HSD17B12: variants seen among roughly 807,000 people sequenced by gnomAD.
The protein encoded by HSD17B12 is hydroxysteroid 17-beta dehydrogenase 12, also known as very-long-chain 3-oxoacyl-CoA reductase.
A neutral mutation model predicts 39.3 loss-of-function variants in HSD17B12; 32 were observed. The ratio of observed to expected loss-of-function variants is 0.81; its 90% confidence interval spans 0.61 to 1.09. The LOEUF (loss-of-function observed/expected upper bound fraction) is 1.09. Ranked by LOEUF, HSD17B12 falls within the 50% of genes least tolerant of loss-of-function variation. HSD17B12 has a pLI of 0.00. For synonymous variants in HSD17B12, 150 were observed against 146.7 expected (o/e 1.02, Z -0.16); for missense variants, 342 against 382.9 (o/e 0.89, Z 0.89).
the HSD17B12 span, among the ~76,000 whole-genome samples, chr11:43,675,532 C>G: frequency 6.6e-6 from 1 of 151,674 alleles, no homozygotes. Context: ...ACAAACTCAA[C>G]TTGGAGGATT....
chr11:43,838,578 A>G (rs1951393775), intron 8 of HSD17B12, among the ~76,000 whole-genome samples, 180 bp downstream of exon 8: 1 of 152,148 alleles, frequency 6.6e-6, no homozygotes, highest in Non-Finnish European at 1.5e-5. Flanking sequence ...GACATACTAT[A>G]TACTTACAAT....
chr11:43,583,802 T>A, the HSD17B12 span, among the ~76,000 whole-genome samples: 1 of 151,994 alleles, frequency 6.6e-6, no homozygotes, highest in African/African-American at 2.4e-5. Context: ...GATGCCAACC[T>A]CTGGAGGCCC....
At chr11:43,738,802 CG>C (rs1186329650) in intron 1 of HSD17B12, among the ~76,000 whole-genome samples, 2 of 152,068 alleles carry the variant, frequency 1.3e-5, no homozygotes, top group East Asian at 3.9e-4. Context: ...GTCCAAAGGA[CG>C]ACCAGCATGG....
chr11:43,582,335 G>T, the HSD17B12 span, among the ~76,000 whole-genome samples: 1 of 152,146 alleles, frequency 6.6e-6, no homozygotes, highest in South Asian at 2.1e-4. Context: ...GGGGAGGGGG[G>T]CAAAGCTGCA....
the HSD17B12 span, among the ~76,000 whole-genome samples, chr11:43,649,240 A>G: frequency 9.9e-5 from 15 of 152,078 alleles, no homozygotes; most frequent in African/African-American, 3.4e-4. Flanking sequence ...CATTTGCTAT[A>G]ATTACTTTCT....
intron 3 of HSD17B12, among the ~76,000 whole-genome samples, chr11:43,758,020 T>G (rs1950526902): frequency 6.6e-6 from 1 of 152,126 alleles, no homozygotes; most frequent in Non-Finnish European, 1.5e-5. Flanking sequence ...TCTTAAGCCT[T>G]GTTATGCAAG....
the HSD17B12 span, among the ~76,000 whole-genome samples, chr11:43,601,623 G>C: frequency 3.3e-5 from 5 of 151,934 alleles, no homozygotes; most frequent in African/African-American, 1.2e-4. Context: ...AGTTCACACT[G>C]TCTGGTTTGG....
chr11:43,609,231 C>T, the HSD17B12 span, among the ~76,000 whole-genome samples: 1 of 151,714 alleles, frequency 6.6e-6, no homozygotes, highest in Non-Finnish European at 1.5e-5. Context: ...TGAGCCACCA[C>T]ACCCAACATG....
At chr11:43,671,970 G>C in the HSD17B12 span, among the ~76,000 whole-genome samples, 1 of 152,190 alleles carries the variant, frequency 6.6e-6, no homozygotes, top group Non-Finnish European at 1.5e-5. Context: ...TGGGAAATAT[G>C]TTTACAGAAG....
intron 5 of HSD17B12, among the ~76,000 whole-genome samples, 194 bp from the exon 6 acceptor site, chr11:43,816,153 A>G (rs1270867467): frequency 6.6e-6 from 1 of 152,170 alleles, no homozygotes; most frequent in Admixed American, 6.6e-5. Context: ...AGCATCAATT[A>G]TCACCTTAGT....
At chr11:43,725,982 A>G (rs1160707209) in intron 1 of HSD17B12, among the ~76,000 whole-genome samples, 1 of 152,220 alleles carries the variant, frequency 6.6e-6, no homozygotes, top group Non-Finnish European at 1.5e-5. Flanking sequence ...CAGATTTCTA[A>G]AGTAAAAGAT....
At chr11:43,744,439 C>T (rs186955924) in intron 1 of HSD17B12, among the ~76,000 whole-genome samples, 25 of 152,074 alleles carry the variant, frequency 1.6e-4, no homozygotes, top group African/African-American at 3.9e-4. Context: ...TAGAAGACAA[C>T]GGAGAGTTGT....
chr11:43,577,380 G>A, the HSD17B12 span, among the ~76,000 whole-genome samples: 1 of 152,170 alleles, frequency 6.6e-6, no homozygotes, highest in African/African-American at 2.4e-5. Flanking sequence ...ATTTAAAGGA[G>A]GGGGAGCGAA....
At chr11:43,718,404 A>G (rs189811790) in intron 1 of HSD17B12, among the ~76,000 whole-genome samples, 292 of 152,300 alleles carry the variant, frequency 1.9e-3, no homozygotes, top group Non-Finnish European at 3.3e-3. Flanking sequence ...CCAGATGCAT[A>G]TGAGATTTCT....
the HSD17B12 span, among the ~76,000 whole-genome samples, chr11:43,661,159 C>T: frequency 3.9e-5 from 6 of 152,236 alleles, no homozygotes; most frequent in African/African-American, 9.6e-5. Flanking sequence ...ACTGCCAATA[C>T]ACACCACAGC....
intron 6 of HSD17B12, among the ~76,000 whole-genome samples, chr11:43,817,183 A>G (rs537627943): frequency 6.6e-6 from 1 of 151,592 alleles, no homozygotes; most frequent in East Asian, 1.9e-4. Flanking sequence ...CCACTTTTTC[A>G]TGGGATTATT....
chr11:43,734,459 G>C, intron 1 of HSD17B12: 1 of 701,614 alleles, frequency 1.4e-6, no homozygotes, highest in Non-Finnish European at 2.6e-6. Context: ...CAGCCTGATC[G>C]AGCTGTGTAA....
intron 1 of HSD17B12, among the ~76,000 whole-genome samples, chr11:43,706,501 T>A (rs1007244843): frequency 6.6e-6 from 1 of 152,122 alleles, no homozygotes; most frequent in Admixed American, 6.5e-5. Context: ...CAAGATCACA[T>A]CACTGCACTC....
chr11:43,622,476 A>C, the HSD17B12 span, among the ~76,000 whole-genome samples: 1 of 152,222 alleles, frequency 6.6e-6, no homozygotes, highest in East Asian at 1.9e-4. Context: ...TTTTACTTAA[A>C]AAAACAGTTG....
Sources: gnomAD v4.1 joint callset for allele counts (sites outside exome capture counted in the v4.1 genomes callset) on GRCh38, gnomAD v4.1.1 for gene constraint, MANE v1.5 for transcripts, NCBI Gene and HGNC (gene_info 2026-07-23, HGNC 2026-07-21) for gene names.